Variants in IL2RA observed in about 807,000 individuals in gnomAD.
IL2RA encodes the protein interleukin 2 receptor subunit alpha.
A neutral mutation model predicts 37.8 loss-of-function variants in IL2RA; 24 were observed. The observed-to-expected ratio is 0.63, with a 90% confidence interval of 0.46 to 0.89. The LOEUF (loss-of-function observed/expected upper bound fraction) is 0.89. Among genes scored for constraint, IL2RA ranks in the 40% least tolerant of loss-of-function variants. The pLI is 0.00. For synonymous variants in IL2RA, 125 were observed against 114.6 expected (o/e 1.09, Z -0.58); for missense variants, 319 against 348.6 (o/e 0.92, Z 0.68).
chr10:6,050,092 C>T (rs10905668), intron 1 of IL2RA, among the ~76,000 whole-genome samples: 31,076 of 152,034 alleles, frequency 0.2, 3,739 homozygotes, highest in East Asian at 0.32. Context: ...ATGGAAATGA[C>T]TGGAGCTCTT....
chr10:6,018,129 G>A lies in IL2RA; in HGVS notation c.728-10C>T, dbSNP rs760850323. On this transcript the variant is annotated splice_polypyrimidine_tract_variant and intron_variant, in intron 6 of 7. Transcript: ENST00000379959. The surrounding 1 kb of genome is among the most constrained non-coding windows in gnomAD (Gnocchi z 5.1). Reference sequence around the variant, plus strand: ...AAAACACAGCCGGCCACTGTCAATAGAGAGAGGGAGTTCAGCAAAGGGCCC... The same window carrying A: ...AAAACACAGCCGGCCACTGTCAATAAAGAGAGGGAGTTCAGCAAAGGGCCC... 1.2e-6 allele frequency: 2 copies of A among 1,613,162 alleles called. No individual in the cohort carries two copies. The highest frequency in any genetic ancestry group is 1.1e-5 in the South Asian group (1 of 90,990).
In IL2RA at chr10:6,046,483, TAGAGCAGA is replaced by T. The variant is rs1216271280; in HGVS notation, c.64+15597_64+15604del. Among the ~76,000 whole-genome samples, 1 of 152,194 alleles carries T rather than the reference TAGAGCAGA, an allele frequency of 6.6e-6. No individual in the cohort carries two copies. The highest frequency in any genetic ancestry group is 2.4e-5 in the African/African-American group (1 of 41,440). ...TGTGGGATTGATGGAGTGGACAGCA[TAGAGCAGA>T]GAGCTTACGGTTGTAGGTTACGTGG... is the stretch of plus-strand genomic sequence containing the variant. On this transcript the variant is annotated intron_variant, in intron 1 of 7. Coordinates refer to ENST00000379959, the MANE Select transcript of IL2RA (RefSeq NM_000417.3). This position sits in a 1 kb window ranked among gnomAD's most constrained non-coding sequence, Gnocchi z 4.8.
In IL2RA at chr10:6,012,634, G is replaced by T; in HGVS notation, c.*238C>A. 8.4e-6 allele frequency: 5 copies of T among 594,886 alleles called. No individual in the cohort carries two copies. Among genetic ancestry groups the T allele is most frequent in the South Asian group, 2.0e-5 (1 of 49,314 alleles). 36.9% of individuals were successfully genotyped at this position (594,886 alleles called of 1,614,324 possible). The stretch of plus-strand genomic sequence containing the variant: ...AGTGGTTTTGCCCTTCCTCTTCAAC[G>T]GCGAAATTGCTATTTAGAAGTGGGT... On this transcript the variant is annotated 3_prime_UTR_variant, in exon 8 of 8. Transcript: ENST00000379959. The surrounding 1 kb of genome is among the most constrained non-coding windows in gnomAD (Gnocchi z 4.8).
intron 1 of IL2RA, among the ~76,000 whole-genome samples, chr10:6,038,278 C>A (rs1355896890): frequency 6.6e-6 from 1 of 152,204 alleles, no homozygotes. Context: ...AGAGGTGGAG[C>A]TATGTCTAAA....
In IL2RA at chr10:6,018,187, C is replaced by T; in HGVS notation, c.728-68G>A. On this transcript the variant is annotated intron_variant, in intron 6 of 7. Transcript: ENST00000379959. This position sits in a 1 kb window ranked among gnomAD's most constrained non-coding sequence, Gnocchi z 5.1. ...GGCATGGGGGCAGCAGGAGCCAGGG[C>T]CACAGGGCAGGCTGAGGACATCCCC... 1 of 1,259,620 alleles carries T rather than the reference C, an allele frequency of 7.9e-7. No homozygotes were observed. Among genetic ancestry groups the T allele is most frequent in the Non-Finnish European group, 1.2e-6 (1 of 862,268 alleles). 78.0% of individuals were successfully genotyped at this position (1,259,620 alleles called of 1,614,324 possible).
rs1226126312 is a variant in IL2RA at position 6,036,278 on chromosome 10, C to A, written c.65-10253G>T. On this transcript the variant is annotated intron_variant, in intron 1 of 7. Coordinates refer to ENST00000379959, the MANE Select transcript of IL2RA (RefSeq NM_000417.3). This position sits in a 1 kb window ranked among gnomAD's most constrained non-coding sequence, Gnocchi z 6.1. ...CGGCGACAGATTTAGGAATTCAAGC[C>A]AGCTTTTCTGACTCCCAGGCACCTG... 6.6e-6 allele frequency: 1 copy of A among 152,188 alleles called. No individual in the cohort carries two copies. Among genetic ancestry groups the A allele is most frequent in the Non-Finnish European group, 1.5e-5 (1 of 68,056 alleles). The allele number at this position is 152,188 out of a possible 1,614,324, so 9.4% of individuals were successfully genotyped here.
chr10:6,027,285 C>T (rs1461674961), intron 1 of IL2RA, among the ~76,000 whole-genome samples: 1 of 151,722 alleles, frequency 6.6e-6, no homozygotes, highest in Non-Finnish European at 1.5e-5. Flanking sequence ...GAGATCACGC[C>T]ACTGCACTCC....
chr10:6,015,040 G>A lies in IL2RA; in HGVS notation c.795-2144C>T, dbSNP rs896423372. On this transcript the variant is annotated intron_variant, in intron 7 of 7. Transcript: ENST00000379959. The surrounding 1 kb of genome is among the most constrained non-coding windows in gnomAD (Gnocchi z 4.9). ...GGAGGCCCTGGATAATCAAGAGAGA[G>A]ACAGAGGGAGTTTCTAGAGTTTACT... 6.6e-6 allele frequency among the ~76,000 whole-genome samples: 1 copy of A among 151,948 alleles called. No homozygotes were observed. The highest frequency in any genetic ancestry group is 1.5e-5 in the Non-Finnish European group (1 of 67,968).
In IL2RA at chr10:6,021,504, C is replaced by T. The variant is rs368304698; in HGVS notation, c.557G>A (p.Gly186Asp). The T allele has an allele frequency of 1.9e-6, 3 of 1,613,964 alleles. No homozygotes were observed. Among genetic ancestry groups the T allele is most frequent in the East Asian group, 2.2e-5 (1 of 44,878 alleles). ...RWTQPQLICT[G>D]EMETSQFPGE... ...TGGAAACTGACTGGTCTCCATTTCA[C>T]CTGTGCATATGAGCTGGGGCTGGGT... Residue 186 changes from glycine (G) to aspartate (D), a missense_variant, in exon 4 of 8, where the codon GGT (glycine) becomes GAT (aspartate). Coordinates refer to ENST00000379959, the MANE Select transcript of IL2RA (RefSeq NM_000417.3). This position sits in a 1 kb window ranked among gnomAD's most constrained non-coding sequence, Gnocchi z 4.9.
intron 1 of IL2RA, among the ~76,000 whole-genome samples, chr10:6,041,662 A>G (rs1370971003): frequency 1.3e-5 from 2 of 152,196 alleles, no homozygotes; most frequent in East Asian, 3.8e-4. Flanking sequence ...ATTGAGGGGG[A>G]AAAATTTCCC....
Position 6,021,811 on chromosome 10 carries a change from C to T in IL2RA, c.368-118G>A, listed in dbSNP as rs774758997. On this transcript the variant is annotated intron_variant, in intron 3 of 7. Coordinates refer to ENST00000379959, the MANE Select transcript of IL2RA (RefSeq NM_000417.3). The surrounding 1 kb of genome is among the most constrained non-coding windows in gnomAD (Gnocchi z 4.9). ...TTACTCTCTTGACTGCTTGCTCATC[C>T]TTTCATTCAACCAATATATGTTGAG... The T allele has an allele frequency of 2.5e-6, 2 of 802,546 alleles. No individual in the cohort carries two copies. The highest frequency in any genetic ancestry group is 2.0e-5 in the Admixed American group (1 of 50,638). 49.7% of individuals were successfully genotyped at this position (802,546 alleles called of 1,614,324 possible). A position where few individuals can be genotyped will look rare whatever the true frequency, so the allele number is the denominator to read the frequency against.
intron 1 of IL2RA, among the ~76,000 whole-genome samples, chr10:6,053,377 C>T (rs1163246095): frequency 2.0e-5 from 3 of 152,144 alleles, no homozygotes; most frequent in Non-Finnish European, 4.4e-5. Flanking sequence ...AACATAATAC[C>T]TGAAAGATAG....
chr10:6,053,026 C>T (rs957387326), intron 1 of IL2RA, among the ~76,000 whole-genome samples: 26 of 152,276 alleles, frequency 1.7e-4, no homozygotes, highest in African/African-American at 6.0e-4. Flanking sequence ...GAGTGCCACG[C>T]GGCTCTGTGG....
In IL2RA at chr10:6,029,226, G is replaced by C. The variant is rs555924301; in HGVS notation, c.65-3201C>G. Among the ~76,000 whole-genome samples the C allele has an allele frequency of 2.0e-5, 3 of 150,240 alleles. No individual in the cohort carries two copies. The East Asian group carries it at 6.0e-4, about 30-fold the overall frequency. On this transcript the variant is annotated intron_variant, in intron 1 of 7. Transcript: ENST00000379959. This position sits in a 1 kb window ranked among gnomAD's most constrained non-coding sequence, Gnocchi z 4.6. The stretch of plus-strand genomic sequence containing the variant: ...GTTGCCCAGGCTGGAGTGCAATGGT[G>C]CAATCTTGACTCACTGCAACCTCTG...
At position 6,022,380 on chromosome 10, in the gene IL2RA, T is replaced by C. The variant is rs1262935692; in HGVS notation, c.368-687A>G. Among the ~76,000 whole-genome samples the C allele has an allele frequency of 6.6e-6, 1 of 152,172 alleles. No homozygotes were observed. Among genetic ancestry groups the C allele is most frequent in the Non-Finnish European group, 1.5e-5 (1 of 68,026 alleles). ...AGAACTTTCCACTCACCCAACTACA[T>C]CCCAGGCCTGACGGACCTGTGGCCT... On this transcript the variant is annotated intron_variant, in intron 3 of 7. Coordinates refer to ENST00000379959, the MANE Select transcript of IL2RA (RefSeq NM_000417.3). This position sits in a 1 kb window ranked among gnomAD's most constrained non-coding sequence, Gnocchi z 4.7.
In IL2RA at chr10:6,056,525, A is replaced by T. The variant is rs1315329876; in HGVS notation, c.64+5563T>A. On this transcript the variant is annotated intron_variant, in intron 1 of 7. Transcript: ENST00000379959. The surrounding 1 kb of genome is among the most constrained non-coding windows in gnomAD (Gnocchi z 5.0). Reference sequence around the variant, plus strand: ...CCAGCACTTTGGAAGGCCCATGCAGATGGATGGCTTGAGGCTCGGAGTTCA... The same window carrying T: ...CCAGCACTTTGGAAGGCCCATGCAGTTGGATGGCTTGAGGCTCGGAGTTCA... Among the ~76,000 whole-genome samples the T allele has an allele frequency of 6.6e-6, 1 of 152,096 alleles. No individual in the cohort carries two copies. Among genetic ancestry groups the T allele is most frequent in the Non-Finnish European group, 1.5e-5 (1 of 68,008 alleles).
Position 6,048,623 on chromosome 10 carries a change from G to A in IL2RA, c.64+13465C>T, listed in dbSNP as rs989633464. ...ACGAACAGAAGCTGAGGCCCACCGAGGTTAAAACCCTACCCTCATGGACTT... is the reference window on the plus strand; with the variant it reads ...ACGAACAGAAGCTGAGGCCCACCGAAGTTAAAACCCTACCCTCATGGACTT... On this transcript the variant is annotated intron_variant, in intron 1 of 7. Transcript: ENST00000379959. This position sits in a 1 kb window ranked among gnomAD's most constrained non-coding sequence, Gnocchi z 5.3. 6.6e-6 allele frequency among the ~76,000 whole-genome samples: 1 copy of A among 152,234 alleles called. No individual in the cohort carries two copies. The highest frequency in any genetic ancestry group is 2.4e-5 in the African/African-American group (1 of 41,462).
At position 6,044,054 on chromosome 10, in the gene IL2RA, C is replaced by A. The variant is rs754200190; in HGVS notation, c.65-18029G>T. On this transcript the variant is annotated intron_variant, in intron 1 of 7. Coordinates refer to ENST00000379959, the MANE Select transcript of IL2RA (RefSeq NM_000417.3). This position sits in a 1 kb window ranked among gnomAD's most constrained non-coding sequence, Gnocchi z 4.5. Reference sequence around the variant, plus strand: ...CCCAAACTCAGTGGCAAGTCCACAGCGGGGAAAGTCTAACTCCCAATTTTA... The same window carrying A: ...CCCAAACTCAGTGGCAAGTCCACAGAGGGGAAAGTCTAACTCCCAATTTTA... Among the ~76,000 whole-genome samples the A allele has an allele frequency of 6.6e-6, 1 of 152,192 alleles. No individual in the cohort carries two copies. Among genetic ancestry groups the A allele is most frequent in the African/African-American group, 2.4e-5 (1 of 41,428 alleles).
At position 6,022,589 on chromosome 10, in the gene IL2RA, T is replaced by A. The variant is rs1368511382; in HGVS notation, c.368-896A>T. ...TCTGTAAATATCCTCCAGAGCCTCT[T>A]CCCCAGCAGGAAGCTGGGTGGCCCT... On this transcript the variant is annotated intron_variant, in intron 3 of 7. Transcript: ENST00000379959. The surrounding 1 kb of genome is among the most constrained non-coding windows in gnomAD (Gnocchi z 4.7). Among the ~76,000 whole-genome samples the A allele has an allele frequency of 6.6e-6, 1 of 152,202 alleles. No individual in the cohort carries two copies. Among genetic ancestry groups the A allele is most frequent in the East Asian group, 1.9e-4 (1 of 5,198 alleles).
Sources: gnomAD v4.1 joint callset for allele counts (sites outside exome capture counted in the v4.1 genomes callset) on GRCh38, gnomAD v4.1.1 for gene constraint, Gnocchi (gnomAD v3.1) non-coding constraint, MANE v1.5 for transcripts, NCBI Gene and HGNC (gene_info 2026-07-23, HGNC 2026-07-21) for gene names.